MCC: variants seen among roughly 807,000 people sequenced by gnomAD.
MCC encodes the protein colorectal mutant cancer protein.
In MCC, 90 loss-of-function variants were observed where a neutral mutation model predicts 116.2. That is an observed-to-expected ratio of 0.77 (90% CI 0.65 to 0.92). MCC has a LOEUF of 0.92. MCC is among the 40% of genes least tolerant of loss of function. The probability of loss-of-function intolerance (pLI) is 0.00; values close to 1 mark genes in which losing one functional copy is unlikely to be tolerated. For missense variants in MCC, 1,516 were observed against 1,312.2 expected (o/e 1.16, Z -2.40); for synonymous variants, 578 against 510.5 (o/e 1.13, Z -1.78).
intron 1 of MCC, among the ~76,000 whole-genome samples, chr5:113,395,591 A>C (rs1349012990): frequency 6.6e-6 from 1 of 152,146 alleles, no homozygotes; most frequent in East Asian, 1.9e-4. Flanking sequence ...TGAATTCAGT[A>C]AGGTGACCAT....
intron 8 of MCC, among the ~76,000 whole-genome samples, chr5:113,090,788 G>A (rs1755572528): frequency 6.6e-6 from 1 of 152,222 alleles, no homozygotes; most frequent in African/African-American, 2.4e-5. Flanking sequence ...GCATATGACA[G>A]CTTCAGCTAA....
At chr5:113,339,436 TGTGC>T (rs1418820648) in intron 3 of MCC, among the ~76,000 whole-genome samples, 1 of 127,590 alleles carries the variant, frequency 7.8e-6, no homozygotes, top group Non-Finnish European at 1.8e-5. Flanking sequence ...TGTGTGTGTG[TGTGC>T]GTGCATGTGT....
rs1761750421 is a variant in MCC at position 113,183,832 on chromosome 5, G to A, written c.628-32410C>T. ...TGAAGCAAGACTTGTGGGGAGAAAG[G>A]GGGCCAAAGGAATAGAGGGCTGACA... On this transcript the variant is annotated intron_variant, in intron 3 of 18. Coordinates refer to ENST00000408903, the MANE Select transcript of MCC (RefSeq NM_001085377.2). 2.6e-5 allele frequency among the ~76,000 whole-genome samples: 4 copies of A among 152,072 alleles called. No individual in the cohort carries two copies. In the East Asian group the frequency reaches 5.8e-4, roughly 22 times the overall value.
chr5:113,402,335 T>G (rs141613229), intron 1 of MCC, among the ~76,000 whole-genome samples: 157 of 151,042 alleles, frequency 1.0e-3, no homozygotes, highest in African/African-American at 3.6e-3. Context: ...TTTTTTTAAT[T>G]CTGTGTAAAG....
At chr5:113,105,847 C>T (rs1017413187) in intron 6 of MCC, among the ~76,000 whole-genome samples, 38 of 152,200 alleles carry the variant, frequency 2.5e-4, no homozygotes, top group African/African-American at 8.9e-4. Flanking sequence ...TTCCCATCAA[C>T]ATTCATATAA....
chr5:113,214,203 C>T (rs58879623), intron 3 of MCC, among the ~76,000 whole-genome samples: 8,783 of 152,270 alleles, frequency 0.058, 783 homozygotes, highest in African/African-American at 0.19. Flanking sequence ...GGCCAATGCC[C>T]TCCTCTCATT....
intron 3 of MCC, among the ~76,000 whole-genome samples, chr5:113,187,992 T>C (rs1341420320): frequency 6.6e-6 from 1 of 152,118 alleles, no homozygotes; most frequent in East Asian, 1.9e-4. Context: ...TGCTCAAGCA[T>C]GATCCTGTTA....
At chr5:113,287,756 CTT>C (rs1232191912) in intron 3 of MCC, among the ~76,000 whole-genome samples, 1 of 152,202 alleles carries the variant, frequency 6.6e-6, no homozygotes, top group Non-Finnish European at 1.5e-5. Context: ...GCACACTTGA[CTT>C]TATTTCCTGA....
chr5:113,313,286 G>A (rs1192307026), intron 3 of MCC, among the ~76,000 whole-genome samples: 1 of 152,172 alleles, frequency 6.6e-6, no homozygotes, highest in African/African-American at 2.4e-5. Context: ...GGCGGAGGTT[G>A]CAGTGAGCCA....
In MCC at chr5:113,372,988, C is replaced by T. The variant is rs556268578; in HGVS notation, c.415+11980G>A. Among the ~76,000 whole-genome samples the T allele has an allele frequency of 5.7e-4, 86 of 152,186 alleles. 1 individual carries two copies. The highest frequency in any genetic ancestry group is 4.9e-4 in the Non-Finnish European group (33 of 68,018). ...GGTCAGGAGATCGAGACCATCCTGG[C>T]TAACACCATGAAACCCCGTCTTTAC... On this transcript the variant is annotated intron_variant, in intron 2 of 18. Transcript: ENST00000408903.
chr5:113,202,273 G>C (rs6871065), intron 3 of MCC, among the ~76,000 whole-genome samples: 143,153 of 152,068 alleles, frequency 0.94, 67,986 homozygotes, highest in East Asian at 1. Flanking sequence ...TCCCGGGGTT[G>C]TGCTGGAGTG....
At chr5:113,238,827 A>G (rs1412371586) in intron 3 of MCC, among the ~76,000 whole-genome samples, 4 of 152,226 alleles carry the variant, frequency 2.6e-5, no homozygotes, top group African/African-American at 4.8e-5. Flanking sequence ...TGGCATTTCC[A>G]ATTTTTGTAA....
chr5:113,255,621 AG>A (rs1344541982), intron 3 of MCC, among the ~76,000 whole-genome samples: 3 of 152,200 alleles, frequency 2.0e-5, no homozygotes, highest in Non-Finnish European at 4.4e-5. Context: ...TCTGCTCCAG[AG>A]GAGAAATATT....
intron 3 of MCC, among the ~76,000 whole-genome samples, chr5:113,176,615 T>A (rs1761347878): frequency 6.6e-6 from 1 of 152,124 alleles, no homozygotes; most frequent in African/African-American, 2.4e-5. Context: ...CAAACTCAAC[T>A]TCCCTTCTTT....
At chr5:113,401,839 A>T (rs1769696336) in intron 1 of MCC, among the ~76,000 whole-genome samples, 1 of 151,700 alleles carries the variant, frequency 6.6e-6, no homozygotes, top group Admixed American at 6.6e-5. Context: ...AATTTTACAT[A>T]TTTTTAAAAT....
In MCC at chr5:113,455,689, C is replaced by T. The variant is rs111402962; in HGVS notation, c.170+32556G>A. 2.0e-3 allele frequency among the ~76,000 whole-genome samples: 299 copies of T among 152,226 alleles called. 5 individuals are homozygous for T. Among genetic ancestry groups the T allele is most frequent in the African/African-American group, 6.9e-3 (286 of 41,532 alleles). On this transcript the variant is annotated intron_variant, in intron 1 of 18. Transcript: ENST00000408903. ...AGCCCCAGAGGAATTTGGGGCCATA[C>T]CAATAATCAAACATGTATAATGAAC...
intron 3 of MCC, among the ~76,000 whole-genome samples, chr5:113,228,772 T>C (rs1003810861): frequency 2.3e-4 from 35 of 152,046 alleles, no homozygotes; most frequent in African/African-American, 7.5e-4. Flanking sequence ...AGAGACCAGT[T>C]ACAAAAACAA....
At chr5:113,056,385 T>C (rs922859158) in intron 14 of MCC, among the ~76,000 whole-genome samples, 2 of 152,188 alleles carry the variant, frequency 1.3e-5, no homozygotes, top group African/African-American at 4.8e-5. Context: ...ACGAATACTA[T>C]GTAGCCATAA....
At chr5:113,067,969 A>G in intron 13 of MCC, 111 bp downstream of exon 13, 2 of 915,604 alleles carry the variant, frequency 2.2e-6, no homozygotes, top group Non-Finnish European at 3.6e-6. Flanking sequence ...CACACTTGAC[A>G]ACCAAATTTT....
Sources: gnomAD v4.1 joint callset for allele counts (sites outside exome capture counted in the v4.1 genomes callset) on GRCh38, gnomAD v4.1.1 for gene constraint, MANE v1.5 for transcripts, NCBI Gene and HGNC (gene_info 2026-07-23, HGNC 2026-07-21) for gene names.